Variants in DSCAM observed in about 807,000 individuals in gnomAD.
The protein encoded by DSCAM is cell adhesion molecule DSCAM.
In DSCAM, 47 loss-of-function variants were observed where a neutral mutation model predicts 217.7. The observed-to-expected ratio is 0.22, with a 90% CI of 0.17 to 0.28. DSCAM has a LOEUF of 0.28. DSCAM is among the 10% of genes least tolerant of loss of function. The pLI is 1.00. For synonymous variants in DSCAM, 1,056 were observed against 1,015.3 expected (o/e 1.04, Z -0.76); for missense variants, 2,080 against 2,618.3 (o/e 0.79, Z 4.49).
chr21:40,516,576 C>A (rs1046920842), intron 3 of DSCAM, among the ~76,000 whole-genome samples: 1 of 152,114 alleles, frequency 6.6e-6, no homozygotes, highest in Non-Finnish European at 1.5e-5. Flanking sequence ...CCTTGAGGAG[C>A]CTTCATTTAG....
At chr21:40,579,720 G>T (rs1390486370) in intron 3 of DSCAM, among the ~76,000 whole-genome samples, 1 of 152,152 alleles carries the variant, frequency 6.6e-6, no homozygotes, top group East Asian at 1.9e-4. Flanking sequence ...GAAAATAAAT[G>T]TCAATATAGG....
intron 11 of DSCAM, among the ~76,000 whole-genome samples, chr21:40,236,634 T>TGGCTCATA: frequency 3.3e-5 from 5 of 152,160 alleles, no homozygotes; most frequent in Non-Finnish European, 7.4e-5. Context: ...CATAGAAGCC[T>TGGCTCATA]GGGGTCAACT....
intron 18 of DSCAM, among the ~76,000 whole-genome samples, chr21:40,138,971 T>C (rs1002641993): frequency 1.4e-5 from 2 of 139,806 alleles, no homozygotes; most frequent in Non-Finnish European, 3.1e-5. Context: ...GTGTGTGGTG[T>C]ATGTGAGATG....
intron 1 of DSCAM, among the ~76,000 whole-genome samples, chr21:40,744,732 T>A (rs1350245411): frequency 2.6e-5 from 4 of 151,916 alleles, no homozygotes; most frequent in African/African-American, 9.7e-5. Context: ...GCAAAAATTG[T>A]TTAAAAAAAA....
At chr21:40,354,086 G>T (rs746195341) in intron 4 of DSCAM, among the ~76,000 whole-genome samples, 6 of 152,144 alleles carry the variant, frequency 3.9e-5, no homozygotes, top group Non-Finnish European at 7.4e-5. Context: ...CTCTTTAAAA[G>T]ATCCTTAATG....
At chr21:40,774,167 G>A (rs2091468999) in intron 1 of DSCAM, among the ~76,000 whole-genome samples, 1 of 152,196 alleles carries the variant, frequency 6.6e-6, no homozygotes, top group South Asian at 2.1e-4. Context: ...TACTATGAGA[G>A]TTCTGCCCTA....
In DSCAM at chr21:40,255,550, G is replaced by A. The variant is rs573766452; in HGVS notation, c.2356+20547C>T. Among the ~76,000 whole-genome samples, 3 of 152,308 alleles carry A rather than the reference G, an allele frequency of 2.0e-5. No individual in the cohort carries two copies. In the South Asian group the frequency reaches 6.2e-4, roughly 32 times the overall value. Reference sequence around the variant, plus strand: ...GCTAATTAACTGATCTTAAAATAGGGAGAAGATCCTAAATTCTCTGGGTGG... The same window carrying A: ...GCTAATTAACTGATCTTAAAATAGGAAGAAGATCCTAAATTCTCTGGGTGG... On this transcript the variant is annotated intron_variant, in intron 11 of 32. Coordinates refer to ENST00000400454, the MANE Select transcript of DSCAM (RefSeq NM_001389.5).
chr21:40,079,863 A>ACG (rs1156600456), intron 25 of DSCAM, among the ~76,000 whole-genome samples: 1 of 152,182 alleles, frequency 6.6e-6, no homozygotes, highest in Admixed American at 6.5e-5. Flanking sequence ...GGCAAGCGCC[A>ACG]CGCTTCATGG....
intron 1 of DSCAM, among the ~76,000 whole-genome samples, chr21:40,843,790 CTTTTTTTT>C (rs56383167): frequency 8.4e-6 from 1 of 118,986 alleles, no homozygotes; most frequent in African/African-American, 3.1e-5. Context: ...CTGACTTCTT[CTTTTTTTT>C]TTTTTTTTTT....
At chr21:40,385,823 C>A (rs2075079386) in intron 3 of DSCAM, among the ~76,000 whole-genome samples, 1 of 151,602 alleles carries the variant, frequency 6.6e-6, no homozygotes. Context: ...ATCTGATAAG[C>A]CTTTGTCAGA....
chr21:40,092,264 G>T (rs547993998), intron 21 of DSCAM, among the ~76,000 whole-genome samples: 53 of 152,124 alleles, frequency 3.5e-4, no homozygotes, highest in Non-Finnish European at 6.8e-4. Flanking sequence ...GGTGGAAGGG[G>T]CCTGGATGCC....
At chr21:40,718,142 A>G (rs1166356221) in intron 1 of DSCAM, among the ~76,000 whole-genome samples, 1 of 152,252 alleles carries the variant, frequency 6.6e-6, no homozygotes, top group Non-Finnish European at 1.5e-5. Context: ...CAGTTACACT[A>G]TTACAAAGAG....
At chr21:40,513,273 G>C (rs1253429266) in intron 3 of DSCAM, 1 of 152,348 alleles carries the variant, frequency 6.6e-6, no homozygotes, top group African/African-American at 2.4e-5. Context: ...TGAATGAAGA[G>C]ACATGGAGAA....
chr21:40,580,056 G>C (rs2076891833), intron 3 of DSCAM, among the ~76,000 whole-genome samples: 2 of 151,862 alleles, frequency 1.3e-5, no homozygotes, highest in Non-Finnish European at 1.5e-5. Flanking sequence ...ATCTACCTTG[G>C]AGAATCCAAC....
intron 16 of DSCAM, among the ~76,000 whole-genome samples, chr21:40,150,352 AT>A (rs1373383555): frequency 6.6e-6 from 1 of 152,246 alleles, no homozygotes; most frequent in Non-Finnish European, 1.5e-5. Flanking sequence ...AAAATTGTAT[AT>A]TTTTATGCAT....
intron 16 of DSCAM, among the ~76,000 whole-genome samples, chr21:40,160,901 G>A (rs1009598859): frequency 1.1e-4 from 16 of 152,274 alleles, no homozygotes; most frequent in African/African-American, 2.9e-4. Flanking sequence ...GACGGCAGAC[G>A]GCCTTGGTCC....
chr21:40,556,982 G>A (rs151138719), intron 3 of DSCAM, among the ~76,000 whole-genome samples: 9 of 152,254 alleles, frequency 5.9e-5, no homozygotes, highest in African/African-American at 2.2e-4. Context: ...TGGCAGAGGT[G>A]GGAGAGGTGG....
chr21:40,442,096 G>A (rs560227883), intron 3 of DSCAM, among the ~76,000 whole-genome samples: 1 of 152,240 alleles, frequency 6.6e-6, no homozygotes, highest in Admixed American at 6.5e-5. Context: ...GAAAGAAACC[G>A]AGCATATTTG....
chr21:40,124,296 C>T lies in DSCAM; in HGVS notation c.3595G>A (p.Ala1199Thr). The change falls in exon 20 of 33, where the codon GCG (alanine) becomes ACG (threonine). Residue 1199 changes from alanine (A) to threonine (T), a missense_variant. By Grantham distance (58) the Ala-to-Thr change is moderately conservative. Transcript: ENST00000400454. ...ACAAAGACCATGGAGGCTGAGGCCGCCGCTGCCTTCACACCCGCGGGAGGA... is the reference window on the plus strand; with the variant it reads ...ACAAAGACCATGGAGGCTGAGGCCGTCGCTGCCTTCACACCCGCGGGAGGA... ...PGPPAGVKAA[A>T]ASASMVFVSW... 6.2e-7 allele frequency: 1 copy of T among 1,613,966 alleles called. No individual in the cohort carries two copies. The highest frequency in any genetic ancestry group is 8.5e-7 in the Non-Finnish European group (1 of 1,180,010).
Sources: gnomAD v4.1 joint callset for allele counts (sites outside exome capture counted in the v4.1 genomes callset) on GRCh38, gnomAD v4.1.1 for gene constraint, MANE v1.5 for transcripts, NCBI Gene and HGNC (gene_info 2026-07-23, HGNC 2026-07-21) for gene names.